Variants in SOAT1 observed in about 807,000 individuals in gnomAD.
The protein encoded by SOAT1 is acyl-coenzyme A:cholesterol acyltransferase 1.
SOAT1 carries 55 observed loss-of-function variants against 69.5 expected under a neutral mutation model. That is an observed-to-expected ratio of 0.79 (90% CI 0.64 to 0.99). The LOEUF (loss-of-function observed/expected upper bound fraction) is 0.99. SOAT1 is among the 50% of genes least tolerant of loss of function. The pLI, the probability that SOAT1 is intolerant of heterozygous loss-of-function variation, is 0.00. For synonymous variants in SOAT1, 231 were observed against 224.7 expected (o/e 1.03, Z -0.25); for missense variants, 580 against 669.3 (o/e 0.87, Z 1.47).
At chr1:179,314,612 G>C (rs534032311) in intron 2 of SOAT1, among the ~76,000 whole-genome samples, 1 of 151,980 alleles carries the variant, frequency 6.6e-6, no homozygotes, top group Non-Finnish European at 1.5e-5. Flanking sequence ...TGTAGAGAAT[G>C]GGGGGGTCTC....
chr1:179,308,799 A>ACCTC (rs974872567), intron 2 of SOAT1, among the ~76,000 whole-genome samples: 10 of 107,378 alleles, frequency 9.3e-5, no homozygotes, highest in South Asian at 7.1e-4. Flanking sequence ...ATTAAGTAAT[A>ACCTC]CTTCCTCAAG....
In SOAT1 at chr1:179,341,215, A is replaced by G; in HGVS notation, c.685A>G (p.Ile229Val). Residue 229 changes from isoleucine to valine, a missense_variant, in exon 7 of 16, where the codon ATC (isoleucine) becomes GTC (valine). Transcript: ENST00000367619. ...RSLFHGFLFMIFQIGVLGFGP... is the reference protein window; with the variant it reads ...RSLFHGFLFMVFQIGVLGFGP... ...TCTCTTCCATGGCTTTCTTTTCATG[A>G]TCTTCCAGATTGGAGTTCTAGGTTT... is the stretch of plus-strand genomic sequence containing the variant. 6.2e-7 allele frequency: 1 copy of G among 1,614,042 alleles called. No homozygotes were observed. The highest frequency in any genetic ancestry group is 8.5e-7 in the Non-Finnish European group (1 of 1,180,002).
At chr1:179,319,105 C>G (rs963883371) in intron 2 of SOAT1, among the ~76,000 whole-genome samples, 1 of 152,050 alleles carries the variant, frequency 6.6e-6, no homozygotes, top group African/African-American at 2.4e-5. Context: ...CAAGCCAACA[C>G]TTGTTGTTTG....
chr1:179,342,127 T>G lies in SOAT1; in HGVS notation c.794T>G (p.Met265Arg). 6.2e-7 allele frequency: 1 copy of G among 1,613,864 alleles called. No homozygotes were observed. Among genetic ancestry groups the G allele is most frequent in the Non-Finnish European group, 8.5e-7 (1 of 1,179,810 alleles). ...CTGCTTTTGTAGATTCGTTTTGTAA[T>G]GAAGGCCCACTCATTTGTCAGAGAG... ...IIIFEQIRFV[M>R]KAHSFVRENV... Residue 265 changes from methionine (M) to arginine (R), a missense_variant, in exon 8 of 16, where the codon ATG becomes AGG. By Grantham distance (91) the Met-to-Arg change is moderately conservative (BLOSUM62 -1). Transcript: ENST00000367619.
At chr1:179,333,768 G>A (rs1399850184) in intron 3 of SOAT1, among the ~76,000 whole-genome samples, 4 of 151,362 alleles carry the variant, frequency 2.6e-5, no homozygotes, top group Admixed American at 1.3e-4. Flanking sequence ...GGGAGGTGGA[G>A]GTTGCGGTGA....
At chr1:179,344,385 T>A (rs1448526769) in intron 10 of SOAT1, among the ~76,000 whole-genome samples, 1 of 132,126 alleles carries the variant, frequency 7.6e-6, no homozygotes, top group African/African-American at 2.9e-5. Context: ...TTTTTTTTTT[T>A]TTTTTTTGAG....
At chr1:179,294,979 G>C (rs1664583667) in intron 1 of SOAT1, among the ~76,000 whole-genome samples, 1 of 151,434 alleles carries the variant, frequency 6.6e-6, no homozygotes, top group Admixed American at 6.6e-5. Context: ...CGGTGTCAGT[G>C]AATGACTTGT....
chr1:179,309,944 G>C (rs1665164862), intron 2 of SOAT1, among the ~76,000 whole-genome samples: 1 of 151,842 alleles, frequency 6.6e-6, no homozygotes, highest in Non-Finnish European at 1.5e-5. Context: ...GCCCAGGCTG[G>C]AGTGGAGTGC....
At chr1:179,324,368 G>C (rs1264836594) in intron 3 of SOAT1, among the ~76,000 whole-genome samples, 1 of 152,168 alleles carries the variant, frequency 6.6e-6, no homozygotes, top group Admixed American at 6.5e-5. Context: ...AATCAGTACT[G>C]TTTGAGTCCA....
chr1:179,324,613 T>C (rs978078835), intron 3 of SOAT1, among the ~76,000 whole-genome samples: 3 of 152,216 alleles, frequency 2.0e-5, no homozygotes, highest in Admixed American at 6.5e-5. Flanking sequence ...TTCCATTAAG[T>C]TACCTTTGTA....
chr1:179,336,025 G>T lies in SOAT1; in HGVS notation c.329+368G>T, dbSNP rs371405784. ...CTAAAAATACAAAATTTAGCCGGGCGTGGTGGCGGGCGTCTGTAATTGCTG... is the reference window on the plus strand; with the variant it reads ...CTAAAAATACAAAATTTAGCCGGGCTTGGTGGCGGGCGTCTGTAATTGCTG... On this transcript the variant is annotated intron_variant, in intron 4 of 15. Coordinates refer to ENST00000367619, the MANE Select transcript of SOAT1 (RefSeq NM_003101.6). Among the ~76,000 whole-genome samples the T allele has an allele frequency of 1.3e-5, 2 of 151,938 alleles. 1 individual carries two copies. The highest frequency in any genetic ancestry group is 1.3e-4 in the Admixed American group (2 of 15,244).
At chr1:179,349,659 G>GTGGATTTTGTA (rs1208596326) in intron 13 of SOAT1, among the ~76,000 whole-genome samples, 5 of 152,136 alleles carry the variant, frequency 3.3e-5, no homozygotes, top group Non-Finnish European at 7.4e-5. Flanking sequence ...ACACTTTTGT[G>GTGGATTTTGTA]TGGATTTTGT....
At chr1:179,339,362 C>G in intron 5 of SOAT1, 76 bp from the exon 6 acceptor site, 1 of 990,922 alleles carries the variant, frequency 1.0e-6, no homozygotes. Context: ...AAGTTAACTG[C>G]TTTAAGAAAA....
At position 179,347,610 on chromosome 1, in the gene SOAT1, T is replaced by G. The variant is rs1666577583; in HGVS notation, c.1128T>G (p.Ile376Met). Residue 376 changes from isoleucine (I) to methionine (M), a missense_variant, in exon 12 of 16, where the codon ATT becomes ATG. Coordinates refer to ENST00000367619, the MANE Select transcript of SOAT1 (RefSeq NM_003101.6). ...VFNSILPGVLILFLTFFAFLH... is the reference protein window; with the variant it reads ...VFNSILPGVLMLFLTFFAFLH... ...TAATCTTATTTTTAGGTGTGCTGAT[T>G]CTCTTCCTTACTTTTTTTGCCTTTT... is the stretch of plus-strand genomic sequence containing the variant. 1 of 1,608,530 alleles carries G rather than the reference T, an allele frequency of 6.2e-7. No individual in the cohort carries two copies. Among genetic ancestry groups the G allele is most frequent in the Non-Finnish European group, 8.5e-7 (1 of 1,175,530 alleles).
At chr1:179,320,218 G>A (rs1164475263) in intron 2 of SOAT1, among the ~76,000 whole-genome samples, 1 of 152,096 alleles carries the variant, frequency 6.6e-6, no homozygotes, top group East Asian at 1.9e-4. Context: ...CATATGGTGT[G>A]AGTTCCAGGT....
chr1:179,333,243 T>C (rs1374826574), intron 3 of SOAT1, among the ~76,000 whole-genome samples: 1 of 152,172 alleles, frequency 6.6e-6, no homozygotes, highest in African/African-American at 2.4e-5. Flanking sequence ...GTGTTTTCAG[T>C]TCCAGACCGT....
chr1:179,303,054 C>T (rs1174157164), intron 2 of SOAT1, among the ~76,000 whole-genome samples: 1 of 152,056 alleles, frequency 6.6e-6, no homozygotes, highest in East Asian at 1.9e-4. Context: ...TGCTGAGGTC[C>T]CCCGCTGGAT....
chr1:179,294,379 T>C (rs935683546), intron 1 of SOAT1: 1 of 152,244 alleles, frequency 6.6e-6, no homozygotes, highest in Non-Finnish European at 1.5e-5. Flanking sequence ...GCTCATGTTT[T>C]ATTGTAAAAT....
Position 179,354,100 on chromosome 1 carries a change from A to G in SOAT1, c.*459A>G, listed in dbSNP as rs1339512232. On this transcript the variant is annotated 3_prime_UTR_variant, in exon 16 of 16. Coordinates refer to ENST00000367619, the MANE Select transcript of SOAT1 (RefSeq NM_003101.6). ...GGAATGTATGCTAATTGAACATGCA[A>G]TTGGGGAAGAAAAAATGTAGAATGA... is the stretch of plus-strand genomic sequence containing the variant. The G allele has an allele frequency of 6.5e-6, 1 of 153,182 alleles. No homozygotes were observed. The highest frequency in any genetic ancestry group is 1.5e-5 in the Non-Finnish European group (1 of 68,448). 9.5% of individuals were successfully genotyped at this position (153,182 alleles called of 1,614,324 possible).
Sources: gnomAD v4.1 joint callset for allele counts (sites outside exome capture counted in the v4.1 genomes callset) on GRCh38, gnomAD v4.1.1 for gene constraint, MANE v1.5 for transcripts, NCBI Gene and HGNC (gene_info 2026-07-23, HGNC 2026-07-21) for gene names.